RFX3: variants seen among roughly 807,000 people sequenced by gnomAD.
RFX3 encodes the protein transcription factor RFX3.
A neutral mutation model predicts 98.6 loss-of-function variants in RFX3; 14 were observed. The observed-to-expected ratio is 0.14, with a 90% CI of 0.09 to 0.22. The LOEUF is 0.22. RFX3 is among the 10% of genes least tolerant of loss of function. The pLI, the probability that RFX3 is intolerant of heterozygous loss-of-function variation, is 1.00. For missense variants in RFX3, 639 were observed against 926.9 expected, an observed-to-expected ratio of 0.69 and a Z score of 4.03; for synonymous variants, 383 against 328.4, an observed-to-expected ratio of 1.17 and a Z score of -1.80.
intron 15 of RFX3, among the ~76,000 whole-genome samples, chr9:3,244,572 C>A (rs886153456): frequency 1.3e-5 from 2 of 152,160 alleles, no homozygotes; most frequent in African/African-American, 4.8e-5. Flanking sequence ...TCTCACCCAC[C>A]TCTGTCAGGG....
At chr9:3,237,857 G>T (rs1160425371) in intron 15 of RFX3, among the ~76,000 whole-genome samples, 2 of 152,092 alleles carry the variant, frequency 1.3e-5, no homozygotes, top group Admixed American at 1.3e-4. Context: ...GCCTGACCTG[G>T]GTTTGAATCA....
intron 7 of RFX3, among the ~76,000 whole-genome samples, chr9:3,280,321 G>C (rs933273739): frequency 2.0e-5 from 3 of 151,824 alleles, no homozygotes; most frequent in Non-Finnish European, 4.4e-5. Flanking sequence ...GGGCCTGTAA[G>C]TATGAGAGAG....
chr9:3,289,961 G>A (rs1417057367), intron 6 of RFX3, among the ~76,000 whole-genome samples: 1 of 151,780 alleles, frequency 6.6e-6, no homozygotes, highest in East Asian at 1.9e-4. Context: ...TATTTAATTT[G>A]CCTCATGATT....
At chr9:3,298,560 T>C (rs1332128788) in intron 5 of RFX3, among the ~76,000 whole-genome samples, 1 of 151,800 alleles carries the variant, frequency 6.6e-6, no homozygotes, top group Non-Finnish European at 1.5e-5. Context: ...GAACAAAACA[T>C]ACAAAAATCC....
At chr9:3,351,883 G>A (rs1483579638) in intron 2 of RFX3, among the ~76,000 whole-genome samples, 2 of 151,840 alleles carry the variant, frequency 1.3e-5, no homozygotes, top group Non-Finnish European at 2.9e-5. Context: ...GCAATTTAAA[G>A]GTAATTTATA....
intron 2 of RFX3, among the ~76,000 whole-genome samples, chr9:3,349,390 G>T (rs997611052): frequency 2.0e-5 from 3 of 151,978 alleles, no homozygotes; most frequent in Non-Finnish European, 4.4e-5. Flanking sequence ...TCATCAGCTT[G>T]ATACGCAGTT....
At chr9:3,362,312 T>C (rs1163329314) in intron 2 of RFX3, among the ~76,000 whole-genome samples, 1 of 152,246 alleles carries the variant, frequency 6.6e-6, no homozygotes, top group Non-Finnish European at 1.5e-5. Context: ...AATATTGTAT[T>C]GTTAATTTAA....
chr9:3,508,745 A>G (rs1202907792), intron 1 of RFX3, among the ~76,000 whole-genome samples: 4 of 152,018 alleles, frequency 2.6e-5, no homozygotes, highest in Admixed American at 6.6e-5. Flanking sequence ...CCTGTTTTAT[A>G]TAAATGTATC....
At position 3,467,115 on chromosome 9, in the gene RFX3, C is replaced by CATATATATTATGTATATATGTAT. The variant is rs1564138830; in HGVS notation, c.-9+58631_-9+58632insATACATATATACATAATATATAT. 2.5e-4 allele frequency among the ~76,000 whole-genome samples: 33 copies of CATATATATTATGTATATATGTAT among 133,718 alleles called. 1 individual carries two copies. Among genetic ancestry groups the CATATATATTATGTATATATGTAT allele is most frequent in the African/African-American group, 9.7e-4 (32 of 32,912 alleles). 87.7% of individuals were successfully genotyped at this position (133,718 alleles called of 152,430 possible). ...ATATATGTAAGTATATATGTATATA[C>CATATATATTATGTATATATGTAT]ATACATATATGTAAGTATATATGTA... On this transcript the variant is annotated intron_variant, in intron 1 of 16. Coordinates refer to ENST00000617270, the MANE Select transcript of RFX3 (RefSeq NM_001282116.2).
intron 1 of RFX3, among the ~76,000 whole-genome samples, chr9:3,467,436 T>C (rs917906677): frequency 2.0e-5 from 3 of 151,382 alleles, no homozygotes; most frequent in South Asian, 4.2e-4. Context: ...ATATCATACA[T>C]TAAGGCTTGC....
At chr9:3,397,652 T>G (rs1160804309) in intron 1 of RFX3, among the ~76,000 whole-genome samples, 1 of 152,204 alleles carries the variant, frequency 6.6e-6, no homozygotes, top group African/African-American at 2.4e-5. Flanking sequence ...TTTGACTCTG[T>G]GCTTAATTTT....
intron 1 of RFX3, among the ~76,000 whole-genome samples, chr9:3,491,303 G>A (rs149074996): frequency 9.8e-4 from 149 of 152,182 alleles, no homozygotes; most frequent in African/African-American, 3.3e-3. Context: ...CATCAAAAAT[G>A]TAATAATCTA....
intron 1 of RFX3, among the ~76,000 whole-genome samples, chr9:3,444,199 G>C (rs1845839949): frequency 6.6e-6 from 1 of 152,058 alleles, no homozygotes; most frequent in Non-Finnish European, 1.5e-5. Flanking sequence ...ACTCATTGTG[G>C]TATATCCATG....
chr9:3,395,389 C>A (rs1205367915), intron 2 of RFX3, 83 bp downstream of exon 2: 2 of 1,498,528 alleles, frequency 1.3e-6, no homozygotes, highest in South Asian at 1.2e-5. Flanking sequence ...CAGTAAAGTT[C>A]AAATAATTTT....
chr9:3,306,430 T>C (rs1219404046), intron 4 of RFX3, among the ~76,000 whole-genome samples: 1 of 151,942 alleles, frequency 6.6e-6, no homozygotes, highest in African/African-American at 2.4e-5. Context: ...TTCATAAATA[T>C]GTAAGTGATT....
chr9:3,296,649 G>A (rs765675313), intron 5 of RFX3, among the ~76,000 whole-genome samples: 4 of 152,024 alleles, frequency 2.6e-5, no homozygotes, highest in Non-Finnish European at 4.4e-5. Flanking sequence ...GCAAAGCTAC[G>A]TTTTGTTCCC....
intron 1 of RFX3, among the ~76,000 whole-genome samples, chr9:3,423,855 T>A (rs1160718578): frequency 2.0e-5 from 3 of 146,966 alleles, no homozygotes; most frequent in African/African-American, 7.4e-5. Context: ...AGAATATATT[T>A]AAAACAAGAA....
intron 2 of RFX3, among the ~76,000 whole-genome samples, chr9:3,390,916 T>A (rs1177164699): frequency 6.6e-6 from 1 of 152,156 alleles, no homozygotes; most frequent in East Asian, 1.9e-4. Flanking sequence ...ATTAGGTTGG[T>A]GCAAAAATTA....
intron 2 of RFX3, among the ~76,000 whole-genome samples, chr9:3,373,590 T>C (rs950251470): frequency 1.3e-5 from 2 of 152,130 alleles, no homozygotes; most frequent in Non-Finnish European, 2.9e-5. Context: ...TTCTCTTCTG[T>C]TCTCCTCCTG....
Sources: gnomAD v4.1 joint callset for allele counts (sites outside exome capture counted in the v4.1 genomes callset) on GRCh38, gnomAD v4.1.1 for gene constraint, MANE v1.5 for transcripts, NCBI Gene and HGNC (gene_info 2026-07-23, HGNC 2026-07-21) for gene names.